Variants in ENTREP2 observed in about 807,000 individuals in gnomAD.
ENTREP2 encodes the protein endosomal transmembrane epsin interactor 2.
the ENTREP2 span, among the ~76,000 whole-genome samples, chr15:29,584,191 AC>A: frequency 3.7e-5 from 4 of 106,878 alleles, no homozygotes; most frequent in African/African-American, 1.1e-4. Flanking sequence ...AATACAGTAA[AC>A]ATGTATTTGT....
the ENTREP2 span, among the ~76,000 whole-genome samples, chr15:29,371,907 AATAAATAG>A: frequency 3.4e-5 from 4 of 118,880 alleles, no homozygotes; most frequent in African/African-American, 1.1e-4. Context: ...GGCAAAAATA[AATAAATAG>A]ATAGATAGAT....
the ENTREP2 span, among the ~76,000 whole-genome samples, chr15:29,413,612 A>G: frequency 6.6e-6 from 1 of 152,190 alleles, no homozygotes; most frequent in African/African-American, 2.4e-5. Context: ...CATTGTGACC[A>G]GGGTTCATTC....
the ENTREP2 span, among the ~76,000 whole-genome samples, chr15:29,231,776 C>A: frequency 6.6e-6 from 1 of 151,636 alleles, no homozygotes; most frequent in Non-Finnish European, 1.5e-5. Context: ...TTCATTCTTT[C>A]TTTGTCAAGA....
the ENTREP2 span, among the ~76,000 whole-genome samples, chr15:29,492,830 C>T: frequency 2.6e-5 from 4 of 151,726 alleles, no homozygotes; most frequent in Non-Finnish European, 5.9e-5. Flanking sequence ...ATGGTGAAAC[C>T]CCGTCTCTAC....
At chr15:29,401,138 C>T in the ENTREP2 span, among the ~76,000 whole-genome samples, 8 of 152,078 alleles carry the variant, frequency 5.3e-5, no homozygotes, top group Non-Finnish European at 1.0e-4. Flanking sequence ...TAATGGCTCG[C>T]TACTGTCAAG....
the ENTREP2 span, among the ~76,000 whole-genome samples, chr15:29,529,657 C>G: frequency 6.6e-6 from 1 of 152,032 alleles, no homozygotes; most frequent in Non-Finnish European, 1.5e-5. Flanking sequence ...CCCCAGATGC[C>G]AGAGCACCCA....
chr15:29,287,576 T>C, the ENTREP2 span, among the ~76,000 whole-genome samples: 5 of 152,172 alleles, frequency 3.3e-5, no homozygotes, highest in East Asian at 3.9e-4. Flanking sequence ...TAATGAGAGA[T>C]ATGCAGTGCC....
the ENTREP2 span, among the ~76,000 whole-genome samples, chr15:29,445,757 A>G: frequency 6.6e-6 from 1 of 152,182 alleles, no homozygotes; most frequent in South Asian, 2.1e-4. Context: ...TGGAGAAGGG[A>G]GTTGTGAGAA....
chr15:29,158,448 C>G, the ENTREP2 span, among the ~76,000 whole-genome samples: 1 of 147,746 alleles, frequency 6.8e-6, no homozygotes, highest in Non-Finnish European at 1.5e-5. Context: ...CTCTTTCGCC[C>G]AGGCTGGAGT....
the ENTREP2 span, among the ~76,000 whole-genome samples, chr15:29,522,780 G>C: frequency 6.6e-6 from 1 of 152,192 alleles, no homozygotes. Flanking sequence ...CTAGAAGGCT[G>C]TTTTTATTTG....
the ENTREP2 span, among the ~76,000 whole-genome samples, chr15:29,642,184 T>C: frequency 1.3e-5 from 2 of 152,000 alleles, no homozygotes; most frequent in Non-Finnish European, 2.9e-5. Context: ...AAAGAAAACA[T>C]TTTGGAAAAG....
chr15:29,470,798 T>G, the ENTREP2 span, among the ~76,000 whole-genome samples: 1 of 152,230 alleles, frequency 6.6e-6, no homozygotes, highest in African/African-American at 2.4e-5. Flanking sequence ...AGTTCCTCCT[T>G]GATTCTCTTC....
chr15:29,599,621 T>C, the ENTREP2 span, among the ~76,000 whole-genome samples: 1 of 152,314 alleles, frequency 6.6e-6, no homozygotes, highest in East Asian at 1.9e-4. Flanking sequence ...AATCGCATTA[T>C]AATCCCTACT....
At chr15:29,562,338 T>A in the ENTREP2 span, among the ~76,000 whole-genome samples, 1 of 152,232 alleles carries the variant, frequency 6.6e-6, no homozygotes, top group Admixed American at 6.5e-5. Context: ...AGGTTTATGA[T>A]GAGTACATAA....
At chr15:29,510,164 G>C in the ENTREP2 span, among the ~76,000 whole-genome samples, 1 of 152,144 alleles carries the variant, frequency 6.6e-6, no homozygotes. Context: ...ATTATCACTG[G>C]TCATTAGAGA....
At chr15:29,124,581 T>G in the ENTREP2 span, 63 of 889,218 alleles carry the variant, frequency 7.1e-5, no homozygotes, top group Non-Finnish European at 9.8e-5. Flanking sequence ...TTCCCGGGGG[T>G]GGGGTGAGGA....
the ENTREP2 span, among the ~76,000 whole-genome samples, chr15:29,125,674 TGG>T: frequency 6.6e-6 from 1 of 152,226 alleles, no homozygotes; most frequent in Non-Finnish European, 1.5e-5. Context: ...TGATGAGGAC[TGG>T]GTGTGAGTTC....
At chr15:29,668,591 A>G in the ENTREP2 span, among the ~76,000 whole-genome samples, 1 of 152,200 alleles carries the variant, frequency 6.6e-6, no homozygotes, top group African/African-American at 2.4e-5. Context: ...TAGGGATGCA[A>G]TACTGATTGA....
At chr15:29,631,656 A>G in the ENTREP2 span, among the ~76,000 whole-genome samples, 1 of 152,226 alleles carries the variant, frequency 6.6e-6, no homozygotes. Flanking sequence ...CCTTCTAGGC[A>G]GGGCTTAAAG....
Sources: allele counts gnomAD v4.1 joint callset (sites outside exome capture counted in the v4.1 genomes callset), GRCh38; gene constraint gnomAD v4.1.1; transcripts MANE v1.5; gene names NCBI Gene and HGNC (gene_info 2026-07-23, HGNC 2026-07-21).